The following COL5A1 variants were observed in gnomAD, a reference collection of about 807,000 sequenced individuals.
COL5A1 encodes collagen alpha-1(V) chain.
COL5A1 carries 16 observed loss-of-function variants against 263.7 expected under a neutral mutation model. The ratio of observed to expected loss-of-function variants is 0.06; its 90% confidence interval spans 0.04 to 0.09. COL5A1 has a LOEUF of 0.09. Among genes scored for constraint, COL5A1 ranks in the 10% least tolerant of loss-of-function variants. The pLI, the probability that COL5A1 is intolerant of heterozygous loss-of-function variation, is 1.00. For synonymous variants in COL5A1, 1,012 were observed against 1,004.5 expected (o/e 1.01, Z -0.14); for missense variants, 2,036 against 2,540.5 (o/e 0.80, Z 4.27).
intron 25 of COL5A1, among the ~76,000 whole-genome samples, chr9:134,771,974 A>G (rs759150844): frequency 3.9e-5 from 6 of 152,196 alleles, no homozygotes; most frequent in Non-Finnish European, 2.9e-5. Flanking sequence ...CCTGGGTTGG[A>G]AAGTCAGAGA....
chr9:134,659,422 T>A (rs1219340278), intron 1 of COL5A1, among the ~76,000 whole-genome samples: 1 of 152,102 alleles, frequency 6.6e-6, no homozygotes, highest in African/African-American at 2.4e-5. Context: ...AAAAAGCCTT[T>A]GAGTTGTGGG....
At chr9:134,753,793 C>T in intron 14 of COL5A1, 57 bp from the exon 15 acceptor site, 1 of 851,040 alleles carries the variant, frequency 1.2e-6, no homozygotes, top group South Asian at 1.3e-5. Context: ...CCCAGCCCTT[C>T]CTGTGTTCTC....
chr9:134,810,841 G>A (rs1418194289), intron 44 of COL5A1, among the ~76,000 whole-genome samples: 1 of 151,636 alleles, frequency 6.6e-6, no homozygotes, highest in Non-Finnish European at 1.5e-5. Flanking sequence ...CGTGCTCCTG[G>A]GAGGCCTGCC....
intron 13 of COL5A1, 31 bp downstream of exon 13, chr9:134,750,913 A>G: frequency 6.3e-7 from 1 of 1,587,422 alleles, no homozygotes; most frequent in Non-Finnish European, 8.6e-7. Flanking sequence ...AGAGGCCTGA[A>G]GGGGACAGAG....
At chr9:134,738,890 TC>T in intron 11 of COL5A1, 82 bp downstream of exon 11, 1 of 1,198,082 alleles carries the variant, frequency 8.3e-7, no homozygotes, top group South Asian at 1.2e-5. Flanking sequence ...ACCCGAGCTG[TC>T]CCTGCCTGTG....
rs747046727 is a variant in COL5A1 at position 134,795,107 on chromosome 9, G to A, written c.2726G>A (p.Arg909Gln). 21 of 1,613,868 alleles carry A rather than the reference G, an allele frequency of 1.3e-5. No homozygotes were observed. The Admixed American group carries it at 1.3e-4, about 10-fold the overall frequency. ...GRGTPGKPGP[R>Q]GQRGPTGPRG... ...GGGACCCCTGGAAAGCCAGGACCGC[G>A]GGGGCAGCGAGGCCCAACGGTAACC... The change falls in exon 33 of 66, where the codon CGG (arginine) becomes CAG (glutamine). Residue 909 changes from arginine to glutamine, a missense_variant. Coordinates refer to ENST00000371817, the MANE Select transcript of COL5A1 (RefSeq NM_000093.5).
intron 4 of COL5A1, among the ~76,000 whole-genome samples, chr9:134,726,287 G>A (rs1372311512): frequency 6.6e-6 from 1 of 152,176 alleles, no homozygotes; most frequent in African/African-American, 2.4e-5. Flanking sequence ...TAGATGGGTG[G>A]ATAGACAGAT....
In COL5A1 at chr9:134,708,856, G is replaced by A. The variant is rs1279099344; in HGVS notation, c.654+7523G>A. The A allele has an allele frequency of 3.5e-5, 16 of 456,498 alleles. No individual in the cohort carries two copies. In the East Asian group the frequency reaches 1.1e-3, roughly 32 times the overall value. 28.3% of individuals were successfully genotyped at this position (456,498 alleles called of 1,614,324 possible). On this transcript the variant is annotated intron_variant, in intron 4 of 65. Coordinates refer to ENST00000371817, the MANE Select transcript of COL5A1 (RefSeq NM_000093.5). ...TGGGCGGGGCCGTGCTCCCTCTGAA[G>A]CTTCCAGCGGGGGACTCTGCCTGCC...
chr9:134,728,860 C>T, intron 6 of COL5A1, 53 bp downstream of exon 6: 17 of 1,610,184 alleles, frequency 1.1e-5, no homozygotes, highest in Non-Finnish European at 1.4e-5. Flanking sequence ...GGCCATGGTG[C>T]AGGGGAGGGC....
chr9:134,717,059 TTTGTATGAC>T (rs766681175), intron 4 of COL5A1, among the ~76,000 whole-genome samples: 1 of 152,174 alleles, frequency 6.6e-6, no homozygotes. Context: ...GTTTTTCCAT[TTTGTATGAC>T]TCACGGATGA....
At chr9:134,806,344 G>A in intron 42 of COL5A1, 48 bp downstream of exon 42, 2 of 1,377,150 alleles carry the variant, frequency 1.5e-6, no homozygotes, top group African/African-American at 1.4e-5. Context: ...GAGATGCTGG[G>A]GTCGTTCCGT....
intron 63 of COL5A1, among the ~76,000 whole-genome samples, chr9:134,829,570 C>G (rs1839499126): frequency 5.3e-5 from 8 of 150,508 alleles, no homozygotes; most frequent in Admixed American, 5.3e-4. Flanking sequence ...AGGGCCCAGG[C>G]CGGGCTCCTC....
Position 134,647,244 on chromosome 9 carries a change from G to A in COL5A1, c.109+4948G>A, listed in dbSNP as rs1021458105. ...CTGCCCCTTTGCCTTCCTTGGCCTC[G>A]GTTCTTTGCTTTCCCACGGAACCTC... On this transcript the variant is annotated intron_variant, in intron 1 of 65. Coordinates refer to ENST00000371817, the MANE Select transcript of COL5A1 (RefSeq NM_000093.5). The surrounding 1 kb of genome is among the most constrained non-coding windows in gnomAD (Gnocchi z 5.0). 7.9e-5 allele frequency among the ~76,000 whole-genome samples: 12 copies of A among 152,136 alleles called. No individual in the cohort carries two copies. Among genetic ancestry groups the A allele is most frequent in the Admixed American group, 5.9e-4 (9 of 15,276 alleles).
chr9:134,723,043 G>A (rs539373735), intron 4 of COL5A1, among the ~76,000 whole-genome samples: 6 of 152,162 alleles, frequency 3.9e-5, no homozygotes, highest in East Asian at 3.8e-4. Context: ...AGCTGTCCTC[G>A]GTCACTCCCC....
chr9:134,766,729 C>T (rs1564445893), intron 22 of COL5A1, among the ~76,000 whole-genome samples: 1 of 152,206 alleles, frequency 6.6e-6, no homozygotes, highest in Non-Finnish European at 1.5e-5. Flanking sequence ...GTCAGTTCCT[C>T]TCACGTGTTC....
chr9:134,820,219 A>G lies in COL5A1; in HGVS notation c.4550A>G (p.Glu1517Gly), dbSNP rs964339996. 1.9e-6 allele frequency: 3 copies of G among 1,612,870 alleles called. No homozygotes were observed. Among genetic ancestry groups the G allele is most frequent in the Non-Finnish European group, 2.5e-6 (3 of 1,179,286 alleles). Residue 1517 changes from glutamate (E) to glycine (G), a missense_variant, in exon 58 of 66, where the codon GAA becomes GGA. By Grantham distance (98) the Glu-to-Gly change is moderately conservative. Transcript: ENST00000371817. The stretch of plus-strand genomic sequence containing the variant: ...CAGGGCTCCTCCGGTCCTAAGGGAG[A>G]ACAGGTGCGTGAGATGGCACTTCTT... ...GPQGSSGPKG[E>G]QGITGPSGPI... is the part of the protein sequence containing the mutation.
Position 134,789,871 on chromosome 9 carries a change from G to C in COL5A1, c.2700+663G>C, listed in dbSNP as rs889764174. On this transcript the variant is annotated intron_variant, in intron 32 of 65. Transcript: ENST00000371817. The surrounding 1 kb of genome is among the most constrained non-coding windows in gnomAD (Gnocchi z 4.8). The stretch of plus-strand genomic sequence containing the variant: ...ACAGTGCCTGAGCATTGCCACTTGG[G>C]AAAACAGGAGAGAGATGGTCCTCAG... Among the ~76,000 whole-genome samples, 1 of 152,218 alleles carries C rather than the reference G, an allele frequency of 6.6e-6. No individual in the cohort carries two copies. Among genetic ancestry groups the C allele is most frequent in the Non-Finnish European group, 1.5e-5 (1 of 68,032 alleles).
chr9:134,651,066 C>T (rs1831665050), intron 1 of COL5A1, among the ~76,000 whole-genome samples: 4 of 152,234 alleles, frequency 2.6e-5, no homozygotes, highest in Admixed American at 6.5e-5. Flanking sequence ...TGTTTGTTTG[C>T]TGGCGCCAGC....
At chr9:134,645,682 C>T (rs1258076506) in intron 1 of COL5A1, among the ~76,000 whole-genome samples, 1 of 152,240 alleles carries the variant, frequency 6.6e-6, no homozygotes, top group East Asian at 1.9e-4. Flanking sequence ...AGTCAGGGGG[C>T]AGGGATGCCA....
Sources: gnomAD v4.1 joint callset for allele counts (sites outside exome capture counted in the v4.1 genomes callset) on GRCh38, gnomAD v4.1.1 for gene constraint, Gnocchi (gnomAD v3.1) non-coding constraint, MANE v1.5 for transcripts, NCBI Gene and HGNC (gene_info 2026-07-23, HGNC 2026-07-21) for gene names.